ZNF609: variants seen among roughly 807,000 people sequenced by gnomAD.
ZNF609 encodes zinc finger protein 609.
ZNF609 carries 11 observed loss-of-function variants against 109.5 expected under a neutral mutation model. That is an observed-to-expected ratio of 0.10 (90% CI 0.06 to 0.17). The LOEUF (loss-of-function observed/expected upper bound fraction) is 0.17, where lower values mean the gene tolerates loss of function less well. Among genes scored for constraint, ZNF609 ranks in the 10% least tolerant of loss-of-function variants. ZNF609 has a pLI of 1.00. For missense variants in ZNF609, 1,559 were observed against 1,772.4 expected (o/e 0.88, Z 2.16); for synonymous variants, 646 against 662.0 (o/e 0.98, Z 0.37).
intron 2 of ZNF609, among the ~76,000 whole-genome samples, chr15:64,585,002 C>T (rs1428052161): frequency 6.6e-6 from 1 of 151,408 alleles, no homozygotes; most frequent in Non-Finnish European, 1.5e-5. Context: ...AGAGGGGGCC[C>T]TGCTTAAGGT....
intron 2 of ZNF609, among the ~76,000 whole-genome samples, chr15:64,586,597 G>C (rs760938054): frequency 6.6e-6 from 1 of 152,116 alleles, no homozygotes; most frequent in African/African-American, 2.4e-5. Flanking sequence ...TCTAATGAAT[G>C]CCTGATGATC....
chr15:64,670,282 G>T (rs1165142850), intron 3 of ZNF609, 64 bp from the exon 4 acceptor site: 3 of 1,351,378 alleles, frequency 2.2e-6, no homozygotes, highest in East Asian at 2.3e-5. Context: ...CTGATCAAAA[G>T]AATACTATTC....
intron 2 of ZNF609, among the ~76,000 whole-genome samples, chr15:64,570,962 G>T (rs1894850874): frequency 6.6e-6 from 1 of 152,188 alleles, no homozygotes; most frequent in Non-Finnish European, 1.5e-5. Flanking sequence ...GGAGGCGGAA[G>T]TTGCAGTGAG....
intron 3 of ZNF609, among the ~76,000 whole-genome samples, chr15:64,634,031 C>T (rs1255934365): frequency 1.3e-5 from 2 of 151,890 alleles, no homozygotes; most frequent in Non-Finnish European, 2.9e-5. Flanking sequence ...ATTGACAGCA[C>T]AGGGGCTAGA....
At chr15:64,506,354 C>T (rs1334004370) in intron 2 of ZNF609, among the ~76,000 whole-genome samples, 1 of 150,874 alleles carries the variant, frequency 6.6e-6, no homozygotes, top group Non-Finnish European at 1.5e-5. Context: ...AGCTCCTGGG[C>T]TCAAGTGATC....
At chr15:64,548,227 C>T (rs574425305) in intron 2 of ZNF609, among the ~76,000 whole-genome samples, 1 of 152,254 alleles carries the variant, frequency 6.6e-6, no homozygotes, top group South Asian at 2.1e-4. Context: ...AAGGTCCTAG[C>T]CTTACCAAGT....
rs181210596 is a variant in ZNF609, at chr15:64,646,424, A to C, written c.973+23372A>C. On this transcript the variant is annotated intron_variant, in intron 3 of 9. Transcript: ENST00000326648. ...GGTGGGTGGATCAGCAGAGGTCAGGAGTTCGAGACCAGCCTAGCCAACATG... is the reference window on the plus strand; with the variant it reads ...GGTGGGTGGATCAGCAGAGGTCAGGCGTTCGAGACCAGCCTAGCCAACATG... Among the ~76,000 whole-genome samples the C allele has an allele frequency of 4.4e-3, 671 of 152,016 alleles. 1 individual carries two copies. The highest frequency in any genetic ancestry group is 7.9e-3 in the Admixed American group (120 of 15,230).
intron 2 of ZNF609, among the ~76,000 whole-genome samples, chr15:64,553,762 C>T (rs1894529803): frequency 6.6e-6 from 1 of 151,822 alleles, no homozygotes; most frequent in African/African-American, 2.4e-5. Flanking sequence ...CCATGCCTGG[C>T]TAATTTTTTG....
At chr15:64,546,789 CTT>C (rs1206513622) in intron 2 of ZNF609, among the ~76,000 whole-genome samples, 40 of 122,518 alleles carry the variant, frequency 3.3e-4, no homozygotes, top group African/African-American at 5.1e-4. Flanking sequence ...TTTCATGTTT[CTT>C]TTTTTTTTTT....
intron 2 of ZNF609, among the ~76,000 whole-genome samples, chr15:64,553,631 C>T (rs913628581): frequency 6.6e-6 from 1 of 150,930 alleles, no homozygotes; most frequent in African/African-American, 2.4e-5. Context: ...CAGAGTCTCA[C>T]TCTGTTGCCC....
Position 64,678,405 on chromosome 15 carries a change from A to G in ZNF609, c.3692A>G (p.Tyr1231Cys). The G allele has an allele frequency of 3.1e-6, 5 of 1,613,588 alleles. No individual in the cohort carries two copies. The highest frequency in any genetic ancestry group is 1.3e-5 in the African/African-American group (1 of 75,050). ...TCCTACATCCCCTACATGCACGGCT[A>G]TTCCTACAGTCAGTCCTACGACCCC... Reference protein sequence around the residue: ...HQSYIPYMHGYSYSQSYDPNH... With the variant: ...HQSYIPYMHGCSYSQSYDPNH... Residue 1231 changes from tyrosine to cysteine, a missense_variant, in exon 6 of 10, where the codon TAT (tyrosine) becomes TGT (cysteine). By Grantham distance (194) the Tyr-to-Cys change is radical (BLOSUM62 -2). Around this residue, in one of 4 missense-constraint regions of ZNF609, gnomAD observed 1,204 missense variants for 1,314.1 expected, o/e 0.92. Coordinates refer to ENST00000326648, the MANE Select transcript of ZNF609 (RefSeq NM_015042.2).
At chr15:64,557,912 C>G (rs1444799899) in intron 2 of ZNF609, among the ~76,000 whole-genome samples, 2 of 152,088 alleles carry the variant, frequency 1.3e-5, no homozygotes, top group Non-Finnish European at 2.9e-5. Flanking sequence ...TCTCGATCTC[C>G]TGACCTCGTG....
At chr15:64,660,314 C>G (rs1896555115) in intron 3 of ZNF609, among the ~76,000 whole-genome samples, 1 of 152,104 alleles carries the variant, frequency 6.6e-6, no homozygotes, top group African/African-American at 2.4e-5. Context: ...GAGGCCAGAG[C>G]CTGAACATAA....
At chr15:64,625,748 G>GCA in intron 3 of ZNF609, among the ~76,000 whole-genome samples, 1 of 150,772 alleles carries the variant, frequency 6.6e-6, no homozygotes, top group Non-Finnish European at 1.5e-5. Context: ...AATTAGCCGG[G>GCA]TGTAGTGGTG....
rs1288649664 is a variant in ZNF609, at chr15:64,577,075, C to CATAAATATATATGTATATATACACAT, written c.748-45751_748-45750insTAAATATATATGTATATATACACATA. ...ATATATACATATATGTATATATACA[C>CATAAATATATATGTATATATACACAT]AAATATATACATATATGTATATATA... On this transcript the variant is annotated intron_variant, in intron 2 of 9. Coordinates refer to ENST00000326648, the MANE Select transcript of ZNF609 (RefSeq NM_015042.2). Among the ~76,000 whole-genome samples, 25 of 52,954 alleles carry CATAAATATATATGTATATATACACAT rather than the reference C, an allele frequency of 4.7e-4. 2 individuals are homozygous for CATAAATATATATGTATATATACACAT. Among genetic ancestry groups the CATAAATATATATGTATATATACACAT allele is most frequent in the Non-Finnish European group, 5.5e-4 (12 of 21,828 alleles). The allele number at this position is 52,954 out of a possible 152,430, so 34.7% of individuals were successfully genotyped here. A position where few individuals can be genotyped will look rare whatever the true frequency, so the allele number is the denominator to read the frequency against.
chr15:64,546,856 T>G (rs1202533105), intron 2 of ZNF609, among the ~76,000 whole-genome samples: 2 of 148,924 alleles, frequency 1.3e-5, no homozygotes, highest in Admixed American at 6.8e-5. Context: ...AGTGGCGTGA[T>G]CCCGGCTCAC....
intron 2 of ZNF609, among the ~76,000 whole-genome samples, chr15:64,602,485 A>C (rs969015649): frequency 6.6e-5 from 10 of 152,164 alleles, no homozygotes; most frequent in Admixed American, 6.6e-4. Flanking sequence ...AAGTGCTGGG[A>C]CACACACAGG....
At chr15:64,576,956 G>GTATATATACACATAAATATATATATT (rs1894970327) in intron 2 of ZNF609, among the ~76,000 whole-genome samples, 1 of 121,148 alleles carries the variant, frequency 8.3e-6, no homozygotes, top group Non-Finnish European at 1.7e-5. Flanking sequence ...ATACATATAT[G>GTATATATACACATAAATATATATATT]TATATATACA....
intron 2 of ZNF609, among the ~76,000 whole-genome samples, chr15:64,549,491 A>T (rs999713022): frequency 9.9e-5 from 15 of 152,168 alleles, no homozygotes; most frequent in Admixed American, 3.3e-4. Context: ...TAAGAAGTGT[A>T]TGTATATTTA....
Sources: gnomAD v4.1 joint callset for allele counts (sites outside exome capture counted in the v4.1 genomes callset) on GRCh38, gnomAD v4.1.1 for gene constraint, gnomAD v4.1.1 regional missense constraint, MANE v1.5 for transcripts, NCBI Gene and HGNC (gene_info 2026-07-23, HGNC 2026-07-21) for gene names.